SCLT1: variants seen among roughly 807,000 people sequenced by gnomAD.
SCLT1 encodes sodium channel-associated protein 1.
Under a neutral mutation model 112.8 loss-of-function variants are expected in SCLT1, and 78 were observed. That is an observed-to-expected ratio of 0.69 (90% CI 0.58 to 0.83). The LOEUF (loss-of-function observed/expected upper bound fraction) is 0.83, where lower values mean the gene tolerates loss of function less well. Among genes scored for constraint, SCLT1 ranks in the 40% least tolerant of loss-of-function variants. The probability of loss-of-function intolerance (pLI) is 0.00; values close to 1 mark genes in which losing one functional copy is unlikely to be tolerated. For missense variants in SCLT1, 747 were observed against 770.4 expected (o/e 0.97, Z 0.36); for synonymous variants, 257 against 254.7 (o/e 1.01, Z -0.09).
intron 2 of SCLT1, among the ~76,000 whole-genome samples, chr4:129,070,009 G>T (rs149535664): frequency 6.6e-6 from 1 of 152,160 alleles, no homozygotes; most frequent in African/African-American, 2.4e-5. Flanking sequence ...CTATTGAGAT[G>T]ATCATGTGAT....
intron 14 of SCLT1, among the ~76,000 whole-genome samples, chr4:128,949,845 T>TC (rs1414428661): frequency 5.0e-5 from 4 of 80,542 alleles, no homozygotes; most frequent in African/African-American, 3.2e-4. Flanking sequence ...CTTTTTTTCC[T>TC]CTTTTTTTTT....
intron 2 of SCLT1, among the ~76,000 whole-genome samples, chr4:129,056,991 G>T (rs182819272): frequency 3.0e-3 from 459 of 152,234 alleles, no homozygotes; most frequent in Non-Finnish European, 4.8e-3. Context: ...TCTTAATTGG[G>T]CTGAGATACA....
intron 2 of SCLT1, among the ~76,000 whole-genome samples, chr4:129,068,743 T>C (rs559719182): frequency 3.3e-5 from 5 of 152,312 alleles, no homozygotes; most frequent in African/African-American, 1.2e-4. Flanking sequence ...CTCTGCTGAC[T>C]GTTCCTTTGC....
rs1197507769 is a variant in SCLT1, at chr4:128,970,247, A to C, written c.777+131T>G. On this transcript the variant is annotated intron_variant, in intron 10 of 20. Transcript: ENST00000281142. ...TAATATAGTTTAGCTTCCTACTTTC[A>C]TATTTTAAGGGTATTAAAATAATTA... 3 of 636,300 alleles carry C rather than the reference A, an allele frequency of 4.7e-6. No homozygotes were observed. The Admixed American group carries it at 8.8e-5, about 19-fold the overall frequency. The allele number at this position is 636,300 out of a possible 1,614,324, so 39.4% of individuals were successfully genotyped here.
At chr4:128,894,702 GGA>G (rs1457520852) in intron 18 of SCLT1, among the ~76,000 whole-genome samples, 1 of 151,134 alleles carries the variant, frequency 6.6e-6, no homozygotes, top group Non-Finnish European at 1.5e-5. Flanking sequence ...TTTGTGAGAT[GGA>G]GTCTCACTGT....
chr4:129,054,763 T>C (rs1202161497), intron 2 of SCLT1, among the ~76,000 whole-genome samples: 2 of 152,164 alleles, frequency 1.3e-5, no homozygotes, highest in Non-Finnish European at 2.9e-5. Context: ...ATTTGTCAGA[T>C]TCATACTCTG....
intron 5 of SCLT1, among the ~76,000 whole-genome samples, chr4:129,007,502 G>A (rs1173978444): frequency 6.6e-6 from 1 of 152,066 alleles, no homozygotes; most frequent in African/African-American, 2.4e-5. Context: ...CTTTTAATCT[G>A]TAATCATCTG....
At chr4:128,986,263 C>T (rs2126060375) in intron 9 of SCLT1, among the ~76,000 whole-genome samples, 1 of 152,274 alleles carries the variant, frequency 6.6e-6, no homozygotes, top group Admixed American at 6.5e-5. Flanking sequence ...TCCACCAGCA[C>T]CCATGGAGGG....
At chr4:128,972,404 G>A (rs1425246737) in intron 9 of SCLT1, 6 of 147,738 alleles carry the variant, frequency 4.1e-5, no homozygotes, top group African/African-American at 1.2e-4. Context: ...TAAACTGTAA[G>A]CAAGATAAGG....
At chr4:129,048,566 T>C (rs1250486950) in intron 2 of SCLT1, among the ~76,000 whole-genome samples, 2 of 151,214 alleles carry the variant, frequency 1.3e-5, no homozygotes, top group Admixed American at 6.6e-5. Context: ...GACATAGGCA[T>C]GGGCAAGGAC....
chr4:128,957,394 G>T lies in SCLT1; in HGVS notation c.1048-270C>A, dbSNP rs58053026. Among the ~76,000 whole-genome samples, 875 of 152,120 alleles carry T rather than the reference G, an allele frequency of 5.8e-3. 2 individuals are homozygous for T. The highest frequency in any genetic ancestry group is 0.017 in the Admixed American group (263 of 15,280). On this transcript the variant is annotated intron_variant, in intron 12 of 20. Transcript: ENST00000281142. ...TACAGCCAGAAATCTTAAAACCATTGTTGAATTTTCCATTTTTTCAAGTCC... is the reference window on the plus strand; with the variant it reads ...TACAGCCAGAAATCTTAAAACCATTTTTGAATTTTCCATTTTTTCAAGTCC...
chr4:129,091,231 T>G (rs1752797778), intron 1 of SCLT1, among the ~76,000 whole-genome samples: 1 of 152,144 alleles, frequency 6.6e-6, no homozygotes, highest in Non-Finnish European at 1.5e-5. Context: ...TATCTCTTCA[T>G]GCAAACGCTA....
rs887888395 is a variant in SCLT1 at position 128,884,418 on chromosome 4, C to T, written c.*59G>A. 3.1e-6 allele frequency: 3 copies of T among 978,688 alleles called. No individual in the cohort carries two copies. The African/African-American group carries it at 4.8e-5, about 16-fold the overall frequency. 60.6% of individuals were successfully genotyped at this position (978,688 alleles called of 1,614,324 possible). A position where few individuals can be genotyped will look rare whatever the true frequency, so the allele number is the denominator to read the frequency against. Reference sequence around the variant, plus strand: ...CTTTGCAGGCTTTACCATTTCAATACACTTCTAGTCCAACTGCTTTCCCAA... The same window carrying T: ...CTTTGCAGGCTTTACCATTTCAATATACTTCTAGTCCAACTGCTTTCCCAA... On this transcript the variant is annotated 3_prime_UTR_variant, in exon 21 of 21. Transcript: ENST00000281142.
chr4:128,997,201 T>G (rs535560048), intron 8 of SCLT1: 9 of 152,104 alleles, frequency 5.9e-5, no homozygotes, highest in African/African-American at 2.2e-4. Context: ...ATTGGATACT[T>G]ACTTTTGATA....
intron 18 of SCLT1, among the ~76,000 whole-genome samples, chr4:128,910,872 T>G (rs1735041356): frequency 1.3e-5 from 2 of 152,200 alleles, no homozygotes; most frequent in Admixed American, 1.3e-4. Flanking sequence ...CTGTTCAAAT[T>G]ATCTATCCTT....
At chr4:129,050,811 T>C (rs1748709559) in intron 2 of SCLT1, among the ~76,000 whole-genome samples, 1 of 152,216 alleles carries the variant, frequency 6.6e-6, no homozygotes, top group Admixed American at 6.5e-5. Flanking sequence ...TGCCCATGCC[T>C]ATGTCCTGAA....
At chr4:129,024,101 T>A (rs1343999743) in intron 5 of SCLT1, among the ~76,000 whole-genome samples, 1 of 152,210 alleles carries the variant, frequency 6.6e-6, no homozygotes, top group African/African-American at 2.4e-5. Context: ...AGGCTCCACC[T>A]CTGGGGGCAG....
intron 18 of SCLT1, among the ~76,000 whole-genome samples, chr4:128,931,539 T>G (rs1425968422): frequency 6.6e-6 from 1 of 152,184 alleles, no homozygotes; most frequent in Non-Finnish European, 1.5e-5. Context: ...CTTGGCTCAC[T>G]GCAAGCTCCA....
intron 18 of SCLT1, 125 bp from the exon 19 acceptor site, chr4:128,891,262 T>C: frequency 1.5e-6 from 1 of 684,314 alleles, no homozygotes; most frequent in East Asian, 2.7e-5. Flanking sequence ...ATAAAGTCAC[T>C]TACTAATAGA....
Sources: gnomAD v4.1 joint callset for allele counts (sites outside exome capture counted in the v4.1 genomes callset) on GRCh38, gnomAD v4.1.1 for gene constraint, MANE v1.5 for transcripts, NCBI Gene and HGNC (gene_info 2026-07-23, HGNC 2026-07-21) for gene names.